RANBP2: variants seen among roughly 807,000 people sequenced by gnomAD.
RANBP2 encodes E3 SUMO-protein ligase RanBP2.
A neutral mutation model predicts 303.6 loss-of-function variants in RANBP2; 57 were observed. That is an observed-to-expected ratio of 0.19 (90% CI 0.15 to 0.23). The LOEUF (loss-of-function observed/expected upper bound fraction) is 0.23, where lower values mean the gene tolerates loss of function less well. RANBP2 is among the 10% of genes least tolerant of loss of function. RANBP2 has a pLI of 1.00. For missense variants in RANBP2, 3,138 were observed against 3,780.8 expected (o/e 0.83, Z 4.46); for synonymous variants, 1,167 against 1,301.5 (o/e 0.90, Z 2.23).
At chr2:108,807,579 T>C in the RANBP2 span, among the ~76,000 whole-genome samples, 1 of 152,172 alleles carries the variant, frequency 6.6e-6, no homozygotes, top group Non-Finnish European at 1.5e-5. Context: ...TGTAGTGCTA[T>C]AAAGCTAGAA....
the RANBP2 span, chr2:109,129,227 C>T: frequency 3.7e-6 from 2 of 547,376 alleles, no homozygotes; most frequent in Admixed American, 2.8e-5. Context: ...GAGCTTCGTG[C>T]CCGGCAGCAC....
At chr2:108,845,034 C>G in the RANBP2 span, among the ~76,000 whole-genome samples, 12 of 152,054 alleles carry the variant, frequency 7.9e-5, no homozygotes, top group Admixed American at 7.9e-4. Context: ...GCGTGAGCCA[C>G]TGTGCCTGGC....
At chr2:109,046,324 A>T in the RANBP2 span, among the ~76,000 whole-genome samples, 17 of 150,542 alleles carry the variant, frequency 1.1e-4, no homozygotes, top group Admixed American at 2.6e-4. Context: ...AAAGAAAAAA[A>T]ATCTGAAAGG....
the RANBP2 span, among the ~76,000 whole-genome samples, chr2:109,337,066 C>T: frequency 1.4e-4 from 21 of 152,178 alleles, no homozygotes; most frequent in African/African-American, 4.8e-4. Flanking sequence ...TAATAGCAAA[C>T]CGTATTTAGT....
At chr2:109,324,296 GT>G in the RANBP2 span, among the ~76,000 whole-genome samples, 1 of 152,176 alleles carries the variant, frequency 6.6e-6, no homozygotes, top group African/African-American at 2.4e-5. Flanking sequence ...TTGTGGACAG[GT>G]TTCCACTGCT....
chr2:109,184,189 C>G, the RANBP2 span, among the ~76,000 whole-genome samples: 29 of 152,168 alleles, frequency 1.9e-4, no homozygotes, highest in Admixed American at 1.9e-3. Flanking sequence ...AAATCCATAT[C>G]TCCTCCCAGG....
the RANBP2 span, among the ~76,000 whole-genome samples, chr2:108,958,409 GA>G: frequency 2.4e-4 from 35 of 145,784 alleles, no homozygotes; most frequent in African/African-American, 6.0e-4. Context: ...CCTTCAGCAG[GA>G]AAAAAAAAAC....
the RANBP2 span, among the ~76,000 whole-genome samples, chr2:109,001,724 T>TTTTG: frequency 3.9e-5 from 6 of 152,188 alleles, no homozygotes; most frequent in Admixed American, 1.3e-4. Flanking sequence ...TTTTTTGTGT[T>TTTTG]TTTGTTTGTT....
chr2:109,438,646 G>A, the RANBP2 span, among the ~76,000 whole-genome samples: 1 of 152,150 alleles, frequency 6.6e-6, no homozygotes, highest in Non-Finnish European at 1.5e-5. Context: ...ATTACCTGGT[G>A]CCCAAGCCCA....
intron 19 of RANBP2, 96 bp from the exon 20 acceptor site, chr2:108,763,141 C>G: frequency 2.2e-6 from 3 of 1,346,816 alleles, no homozygotes; most frequent in Non-Finnish European, 3.1e-6. Flanking sequence ...TTCTTCACTT[C>G]ATATTCATGT....
At chr2:109,059,820 G>A in the RANBP2 span, among the ~76,000 whole-genome samples, 1 of 125,068 alleles carries the variant, frequency 8.0e-6, no homozygotes, top group African/African-American at 2.6e-5. Context: ...GTGTAGGGAA[G>A]GGGTTTTGGT....
the RANBP2 span, among the ~76,000 whole-genome samples, chr2:109,421,889 C>T: frequency 2.6e-5 from 4 of 152,134 alleles, no homozygotes; most frequent in Non-Finnish European, 4.4e-5. Context: ...CAGTCACATG[C>T]CAGGCAACAT....
In RANBP2 at chr2:108,764,147, G is replaced by A; in HGVS notation, c.3608G>A (p.Arg1203His). The change falls in exon 20 of 29, where the codon CGT becomes CAT. Residue 1203 changes from arginine (R) to histidine (H), a missense_variant. Arg to His is a conservative substitution (Grantham distance 29). Transcript: ENST00000283195. ...TTTTGCAACCGCGCGAAATTGTTTC[G>A]TTTCGATGTAGAATCCAAAGAATGG... ...EFFCNRAKLF[R>H]FDVESKEWKE... 6.2e-7 allele frequency: 1 copy of A among 1,614,058 alleles called. No individual in the cohort carries two copies. The highest frequency in any genetic ancestry group is 8.5e-7 in the Non-Finnish European group (1 of 1,179,962).
At chr2:109,682,098 C>G in the RANBP2 span, among the ~76,000 whole-genome samples, 2 of 152,142 alleles carry the variant, frequency 1.3e-5, no homozygotes, top group Admixed American at 6.5e-5. Context: ...AGGGGATGTT[C>G]TTTTGAAAAG....
chr2:109,344,057 T>C, the RANBP2 span, among the ~76,000 whole-genome samples: 1 of 152,140 alleles, frequency 6.6e-6, no homozygotes, highest in Non-Finnish European at 1.5e-5. Flanking sequence ...GATCCTTCTT[T>C]TGTAACTTTC....
the RANBP2 span, among the ~76,000 whole-genome samples, chr2:109,201,594 A>T: frequency 1.3e-5 from 2 of 152,042 alleles, no homozygotes; most frequent in East Asian, 3.9e-4. Flanking sequence ...TGAAAGTGTG[A>T]TCTGGGACCA....
At chr2:109,371,218 A>G in the RANBP2 span, among the ~76,000 whole-genome samples, 2 of 152,192 alleles carry the variant, frequency 1.3e-5, no homozygotes, top group Non-Finnish European at 2.9e-5. Context: ...GCAAGACACC[A>G]TCTCTACCAA....
At chr2:109,326,993 G>A in the RANBP2 span, among the ~76,000 whole-genome samples, 2 of 152,114 alleles carry the variant, frequency 1.3e-5, no homozygotes, top group South Asian at 4.1e-4. Flanking sequence ...GCAATGTGTT[G>A]TTAATATCTT....
chr2:109,631,520 C>A, the RANBP2 span, among the ~76,000 whole-genome samples: 2 of 152,106 alleles, frequency 1.3e-5, no homozygotes, highest in East Asian at 3.8e-4. Flanking sequence ...TTTTGGAAGG[C>A]CAAGGTGGGC....
Sources: gnomAD v4.1 joint callset for allele counts (sites outside exome capture counted in the v4.1 genomes callset) on GRCh38, gnomAD v4.1.1 for gene constraint, MANE v1.5 for transcripts, NCBI Gene and HGNC (gene_info 2026-07-23, HGNC 2026-07-21) for gene names.